The following MTUS2 variants were observed in gnomAD, a reference collection of about 807,000 sequenced individuals.
MTUS2 encodes the protein microtubule associated scaffold protein 2, also known as microtubule-associated tumor suppressor candidate 2.
In MTUS2, 40 loss-of-function variants were observed where a neutral mutation model predicts 114.1. The ratio of observed to expected loss-of-function variants is 0.35; its 90% CI spans 0.27 to 0.46. MTUS2 has a LOEUF of 0.46. MTUS2 is among the 20% of genes least tolerant of loss of function. The pLI, the probability that MTUS2 is intolerant of heterozygous loss-of-function variation, is 1.00. For missense variants in MTUS2, 1,679 were observed against 1,705.4 expected (o/e 0.98, Z 0.27); for synonymous variants, 688 against 672.0 (o/e 1.02, Z -0.37).
intron 15 of MTUS2, 47 bp from the exon 16 acceptor site, chr13:29,502,946 G>T: frequency 6.3e-7 from 1 of 1,587,740 alleles, no homozygotes; most frequent in Non-Finnish European, 8.6e-7. Flanking sequence ...CTCAGGTTCA[G>T]TGTCCACTAG....
At chr13:29,351,688 G>C (rs1315655795) in intron 7 of MTUS2, among the ~76,000 whole-genome samples, 4 of 151,652 alleles carry the variant, frequency 2.6e-5, no homozygotes, top group Non-Finnish European at 4.4e-5. Flanking sequence ...CTTCAGCCTT[G>C]ACCTCCAAGG....
chr13:29,195,569 A>G (rs1033752557), intron 5 of MTUS2, among the ~76,000 whole-genome samples: 3 of 145,176 alleles, frequency 2.1e-5, no homozygotes, highest in African/African-American at 7.5e-5. Flanking sequence ...AAAGAGCTAC[A>G]GTAGTCAGTA....
At chr13:29,096,396 C>T (rs1444866429) in intron 4 of MTUS2, among the ~76,000 whole-genome samples, 3 of 152,180 alleles carry the variant, frequency 2.0e-5, no homozygotes, top group Non-Finnish European at 2.9e-5. Context: ...ATACATTATT[C>T]CACAGTCTGA....
At chr13:29,423,780 T>C (rs946616485) in intron 8 of MTUS2, among the ~76,000 whole-genome samples, 17 of 152,156 alleles carry the variant, frequency 1.1e-4, no homozygotes, top group African/African-American at 4.1e-4. Context: ...GAAATTAAAA[T>C]TGCCCTAGTT....
intron 5 of MTUS2, among the ~76,000 whole-genome samples, chr13:29,177,553 C>T (rs1481421102): frequency 6.6e-6 from 1 of 152,168 alleles, no homozygotes; most frequent in Non-Finnish European, 1.5e-5. Flanking sequence ...TGGAACCCTT[C>T]ACTAGTCGAC....
In MTUS2 at chr13:29,398,226, T is replaced by C. The variant is rs138910252; in HGVS notation, c.3117+38753T>C. 3.4e-3 allele frequency among the ~76,000 whole-genome samples: 520 copies of C among 152,260 alleles called. 4 individuals are homozygous for C. The highest frequency in any genetic ancestry group is 0.012 in the African/African-American group (485 of 41,570). On this transcript the variant is annotated intron_variant, in intron 8 of 15. Transcript: ENST00000612955. ...CTATAATCCCAGCACTTTGGGCGGC[T>C]GAGGCGGGTGGACCACCTGAGGTCA...
chr13:29,091,402 C>A (rs1256094829), intron 4 of MTUS2, among the ~76,000 whole-genome samples: 1 of 152,128 alleles, frequency 6.6e-6, no homozygotes, highest in Non-Finnish European at 1.5e-5. Flanking sequence ...CTACAGAGGT[C>A]TAGGCAACAG....
At chr13:29,031,272 T>TG (rs1257137434) in intron 3 of MTUS2, among the ~76,000 whole-genome samples, 2 of 134,212 alleles carry the variant, frequency 1.5e-5, no homozygotes, top group African/African-American at 2.8e-5. Flanking sequence ...GTGTGTGTGG[T>TG]GTGTGTTCAC....
intron 4 of MTUS2, among the ~76,000 whole-genome samples, chr13:29,069,636 A>G (rs1004869378): frequency 8.5e-5 from 13 of 152,220 alleles, no homozygotes; most frequent in Non-Finnish European, 1.6e-4. Flanking sequence ...TGTGAGCCAC[A>G]TTCACATAAG....
At chr13:29,283,801 C>T (rs1304324767) in intron 6 of MTUS2, among the ~76,000 whole-genome samples, 4 of 152,150 alleles carry the variant, frequency 2.6e-5, no homozygotes, top group Admixed American at 1.3e-4. Context: ...GGGCTCTTAG[C>T]CATATGAAAG....
chr13:29,069,838 G>A (rs1336885169), intron 4 of MTUS2, among the ~76,000 whole-genome samples: 1 of 152,020 alleles, frequency 6.6e-6, no homozygotes, highest in Non-Finnish European at 1.5e-5. Flanking sequence ...TGAATAATTT[G>A]GATTTTTTTT....
chr13:28,823,379 G>A (rs1874042563), intron 1 of MTUS2, among the ~76,000 whole-genome samples: 1 of 152,238 alleles, frequency 6.6e-6, no homozygotes, highest in Non-Finnish European at 1.5e-5. Flanking sequence ...TTTGAAACGA[G>A]TTGTTGAAAA....
chr13:28,909,836 C>T (rs570256270), intron 2 of MTUS2, among the ~76,000 whole-genome samples: 1 of 152,120 alleles, frequency 6.6e-6, no homozygotes, highest in Non-Finnish European at 1.5e-5. Flanking sequence ...GAAAGTCTCA[C>T]GATACAAAAT....
intron 4 of MTUS2, among the ~76,000 whole-genome samples, chr13:29,048,705 A>C (rs1887748508): frequency 6.6e-6 from 1 of 152,188 alleles, no homozygotes; most frequent in Non-Finnish European, 1.5e-5. Context: ...CCTGGGCTCA[A>C]GCAGTCCTCT....
chr13:28,947,756 G>A (rs923987515), intron 2 of MTUS2, among the ~76,000 whole-genome samples: 1 of 152,144 alleles, frequency 6.6e-6, no homozygotes, highest in African/African-American at 2.4e-5. Context: ...GAAAATATAA[G>A]TCATTTTTTA....
intron 4 of MTUS2, among the ~76,000 whole-genome samples, chr13:29,043,308 A>C (rs2138566832): frequency 6.6e-6 from 1 of 152,206 alleles, no homozygotes; most frequent in African/African-American, 2.4e-5. Context: ...TACTTGATAT[A>C]ATTTCAATTT....
At chr13:29,314,784 A>C (rs1899917860) in intron 6 of MTUS2, among the ~76,000 whole-genome samples, 1 of 152,222 alleles carries the variant, frequency 6.6e-6, no homozygotes, top group African/African-American at 2.4e-5. Context: ...GTTTTAAAAA[A>C]TAGTTTTCTA....
At chr13:29,331,516 C>T (rs1004437440) in intron 7 of MTUS2, among the ~76,000 whole-genome samples, 3 of 152,112 alleles carry the variant, frequency 2.0e-5, no homozygotes, top group African/African-American at 7.2e-5. Context: ...CAATCCTAAG[C>T]AAAAAGAACA....
intron 12 of MTUS2, among the ~76,000 whole-genome samples, chr13:29,494,659 G>A (rs557257922): frequency 3.9e-4 from 60 of 152,112 alleles, no homozygotes; most frequent in African/African-American, 1.4e-3. Context: ...GCTCATAGGC[G>A]CGCAAGCCCC....
Sources: gnomAD v4.1 joint callset for allele counts (sites outside exome capture counted in the v4.1 genomes callset) on GRCh38, gnomAD v4.1.1 for gene constraint, MANE v1.5 for transcripts, NCBI Gene and HGNC (gene_info 2026-07-23, HGNC 2026-07-21) for gene names.